Variants in FAR2 observed in about 807,000 individuals in gnomAD.
FAR2 encodes fatty acyl-CoA reductase 2.
FAR2 carries 19 observed loss-of-function variants against 56.0 expected under a neutral mutation model. The observed-to-expected ratio is 0.34, with a 90% CI of 0.24 to 0.50. The LOEUF (loss-of-function observed/expected upper bound fraction) is 0.50. Among genes scored for constraint, FAR2 ranks in the 20% least tolerant of loss-of-function variants. The probability of loss-of-function intolerance (pLI) is 0.98; values close to 1 mark genes in which losing one functional copy is unlikely to be tolerated. For missense variants in FAR2, 508 were observed against 642.2 expected (o/e 0.79, Z 2.26); for synonymous variants, 219 against 218.8 (o/e 1.00, Z -0.01).
chr12:29,210,955 A>AAC (rs1555109230), intron 1 of FAR2, among the ~76,000 whole-genome samples: 1 of 151,678 alleles, frequency 6.6e-6, no homozygotes, highest in East Asian at 1.9e-4. Context: ...ACAAAAAAAA[A>AAC]ACTATATCAT....
At chr12:29,205,874 T>C (rs1325425150) in intron 1 of FAR2, among the ~76,000 whole-genome samples, 2 of 152,090 alleles carry the variant, frequency 1.3e-5, no homozygotes, top group African/African-American at 4.8e-5. Flanking sequence ...TTTATTTTTC[T>C]GGATTGTGGG....
At chr12:29,194,480 C>T (rs1294258723) in intron 1 of FAR2, among the ~76,000 whole-genome samples, 1 of 151,018 alleles carries the variant, frequency 6.6e-6, no homozygotes, top group Non-Finnish European at 1.5e-5. Context: ...TTGGAACAGA[C>T]CTCCATCCAA....
At chr12:29,315,948 C>T (rs1057212979) in intron 8 of FAR2, among the ~76,000 whole-genome samples, 6 of 150,862 alleles carry the variant, frequency 4.0e-5, no homozygotes, top group South Asian at 2.1e-4. Flanking sequence ...GAATCTCTTA[C>T]GCTATCAGAA....
In FAR2 at chr12:29,309,234, T is replaced by A. The variant is rs985341259; in HGVS notation, c.768+4T>A. 2 of 1,590,924 alleles carry A rather than the reference T, an allele frequency of 1.3e-6. No individual in the cohort carries two copies. The highest frequency in any genetic ancestry group is 1.7e-6 in the Non-Finnish European group (2 of 1,161,862). On this transcript the variant is annotated splice_donor_region_variant and intron_variant, in intron 6 of 11. Transcript: ENST00000536681. ...ACCTAATGGAATCATTATTGCGGTA[T>A]GTATAATGATGAAGAAATAACTCCC...
intron 1 of FAR2, among the ~76,000 whole-genome samples, chr12:29,246,656 C>G (rs1040087682): frequency 6.7e-6 from 1 of 148,872 alleles, no homozygotes; most frequent in African/African-American, 2.5e-5. Flanking sequence ...GACCATAAAA[C>G]AGCAGACTTA....
intron 1 of FAR2, among the ~76,000 whole-genome samples, chr12:29,180,507 A>G (rs952950180): frequency 6.6e-6 from 1 of 152,094 alleles, no homozygotes; most frequent in Non-Finnish European, 1.5e-5. Flanking sequence ...TTGTCCATTC[A>G]CTTGTGGCTC....
chr12:29,209,330 C>T (rs1046256542), intron 1 of FAR2, among the ~76,000 whole-genome samples: 2 of 152,080 alleles, frequency 1.3e-5, no homozygotes, highest in South Asian at 2.1e-4. Flanking sequence ...TCTTTCTTAC[C>T]TTAGATAAGA....
intron 1 of FAR2, among the ~76,000 whole-genome samples, chr12:29,261,647 G>A (rs1210413927): frequency 6.6e-6 from 1 of 152,120 alleles, no homozygotes; most frequent in Admixed American, 6.5e-5. Flanking sequence ...AAAGGTCAAA[G>A]ATAAAGGATC....
chr12:29,182,962 C>G (rs1196345076), intron 1 of FAR2, among the ~76,000 whole-genome samples: 1 of 147,230 alleles, frequency 6.8e-6, no homozygotes, highest in Admixed American at 6.8e-5. Flanking sequence ...TTTTTACTTT[C>G]CATTGACTCC....
chr12:29,295,756 A>ATT (rs61390530), intron 3 of FAR2, among the ~76,000 whole-genome samples: 18,118 of 88,486 alleles, frequency 0.2, 2,094 homozygotes, highest in East Asian at 0.23. Context: ...TTTTTACGTA[A>ATT]TTTTTTTTTT....
At chr12:29,179,035 C>G (rs778648204) in intron 1 of FAR2, among the ~76,000 whole-genome samples, 7 of 152,102 alleles carry the variant, frequency 4.6e-5, no homozygotes, top group Admixed American at 6.5e-5. Context: ...GTCTTCAGAA[C>G]ATTTTCTCTC....
chr12:29,257,727 C>G (rs551293215), intron 1 of FAR2, among the ~76,000 whole-genome samples: 3 of 152,120 alleles, frequency 2.0e-5, no homozygotes, highest in South Asian at 4.2e-4. Flanking sequence ...CCTGAGCCAG[C>G]GAGACCACGA....
chr12:29,293,963 G>C (rs1949015408), intron 3 of FAR2, among the ~76,000 whole-genome samples: 1 of 152,074 alleles, frequency 6.6e-6, no homozygotes, highest in Admixed American at 6.6e-5. Flanking sequence ...CTCTTCTTGA[G>C]ATAAATTCCT....
chr12:29,302,236 GAAAAA>G (rs57752714), intron 4 of FAR2, among the ~76,000 whole-genome samples: 23,140 of 92,114 alleles, frequency 0.25, 1,408 homozygotes, highest in Non-Finnish European at 0.28. Flanking sequence ...CATCTCAAAG[GAAAAA>G]AAAAAAAAAA....
At chr12:29,305,287 C>G (rs914233053) in intron 4 of FAR2, among the ~76,000 whole-genome samples, 1 of 152,056 alleles carries the variant, frequency 6.6e-6, no homozygotes, top group Non-Finnish European at 1.5e-5. Flanking sequence ...GTGCACACCA[C>G]CATGCCCCAT....
At chr12:29,288,028 A>T (rs1948904194) in intron 2 of FAR2, among the ~76,000 whole-genome samples, 1 of 152,102 alleles carries the variant, frequency 6.6e-6, no homozygotes, top group Non-Finnish European at 1.5e-5. Context: ...GAATTTTCTT[A>T]CTTAAGAGTT....
chr12:29,269,198 G>A (rs979614770), intron 1 of FAR2, among the ~76,000 whole-genome samples: 2 of 152,026 alleles, frequency 1.3e-5, no homozygotes, highest in Admixed American at 6.6e-5. Context: ...TAAAAGACAG[G>A]TGCACCTTGG....
At chr12:29,310,903 A>T (rs1239675114) in intron 6 of FAR2, 125 bp from the exon 7 acceptor site, 2 of 719,914 alleles carry the variant, frequency 2.8e-6, no homozygotes, top group Non-Finnish European at 4.9e-6. Context: ...GAACCTGGTA[A>T]GCAGTGGATC....
At chr12:29,267,013 C>T (rs1948527777) in intron 1 of FAR2, among the ~76,000 whole-genome samples, 1 of 152,124 alleles carries the variant, frequency 6.6e-6, no homozygotes, top group South Asian at 2.1e-4. Flanking sequence ...CTCAACTTTC[C>T]TTCTGTTTTT....
Sources: gnomAD v4.1 joint callset for allele counts (sites outside exome capture counted in the v4.1 genomes callset) on GRCh38, gnomAD v4.1.1 for gene constraint, MANE v1.5 for transcripts, NCBI Gene and HGNC (gene_info 2026-07-23, HGNC 2026-07-21) for gene names.